The following LRRFIP1 variants were observed in gnomAD, a reference collection of about 807,000 sequenced individuals.
LRRFIP1 encodes the protein LRR binding FLII interacting protein 1.
A neutral mutation model predicts 104.4 loss-of-function variants in LRRFIP1; 62 were observed. The ratio of observed to expected loss-of-function variants is 0.59; its 90% CI spans 0.48 to 0.73. The LOEUF is 0.73. Ranked by LOEUF, LRRFIP1 falls within the 30% of genes least tolerant of loss-of-function variation. LRRFIP1 has a pLI of 0.00. For synonymous variants in LRRFIP1, 300 were observed against 299.0 expected, an observed-to-expected ratio of 1.00 and a Z score of -0.03; for missense variants, 796 against 824.5, an observed-to-expected ratio of 0.97 and a Z score of 0.42.
chr2:237,760,522 T>A (rs974543650), intron 19 of LRRFIP1, among the ~76,000 whole-genome samples: 6 of 152,250 alleles, frequency 3.9e-5, no homozygotes, highest in African/African-American at 1.4e-4. Context: ...GAGTACTATT[T>A]GGTTTTCCTC....
Position 237,739,748 on chromosome 2 carries a change from A to C in LRRFIP1, c.633+439A>C, listed in dbSNP as rs1372991328. Among the ~76,000 whole-genome samples the C allele has an allele frequency of 2.6e-5, 4 of 152,260 alleles. No homozygotes were observed. In the East Asian group the frequency reaches 7.7e-4, roughly 29 times the overall value. ...GAAATGTGCAGATTTGCAGCCCTGC[A>C]TCCTGCTTGTCACTCAGCGTGGCCC... is the stretch of plus-strand genomic sequence containing the variant. On this transcript the variant is annotated intron_variant, in intron 11 of 23. Coordinates refer to ENST00000308482, the MANE Select transcript of LRRFIP1 (RefSeq NM_001137550.2).
chr2:237,689,684 G>C (rs1328792910), intron 1 of LRRFIP1, among the ~76,000 whole-genome samples: 1 of 152,128 alleles, frequency 6.6e-6, no homozygotes, highest in African/African-American at 2.4e-5. Context: ...CCCAGTTCTT[G>C]GTCTGGTGCC....
At chr2:237,740,107 T>C (rs1411958768) in intron 11 of LRRFIP1, among the ~76,000 whole-genome samples, 1 of 152,174 alleles carries the variant, frequency 6.6e-6, no homozygotes, top group South Asian at 2.1e-4. Context: ...TCCACTCATA[T>C]CAAAATTTCC....
intron 1 of LRRFIP1, among the ~76,000 whole-genome samples, chr2:237,631,277 G>A (rs529804650): frequency 2.6e-5 from 4 of 152,328 alleles, no homozygotes; most frequent in Admixed American, 1.3e-4. Context: ...GTTCCAGTTC[G>A]CTGGAGCGAG....
chr2:237,729,823 C>T (rs1051103524), intron 8 of LRRFIP1: 1 of 985,286 alleles, frequency 1.0e-6, no homozygotes, highest in African/African-American at 1.7e-5. Flanking sequence ...ACTTTGTCAT[C>T]ATCCAGGGAG....
intron 19 of LRRFIP1, among the ~76,000 whole-genome samples, chr2:237,760,465 T>A (rs1169078632): frequency 1.3e-5 from 2 of 152,252 alleles, no homozygotes; most frequent in Admixed American, 6.5e-5. Flanking sequence ...CAAGCAAGAC[T>A]GTGAAGGCAA....
chr2:237,727,894 G>C lies in LRRFIP1; in HGVS notation c.403G>C (p.Glu135Gln). The C allele has an allele frequency of 6.2e-7, 1 of 1,612,112 alleles. No homozygotes were observed. Among genetic ancestry groups the C allele is most frequent in the South Asian group, 1.1e-5 (1 of 90,820 alleles). ...GAAACAGACAAATGGTTATGATGGAGAATTGTATGGATCACAGTCCCTGAA... is the reference window on the plus strand; with the variant it reads ...GAAACAGACAAATGGTTATGATGGACAATTGTATGGATCACAGTCCCTGAA... ...PYAWTNGYDG[E>Q]LYGSQSLNRR... The change falls in exon 8 of 24, where the codon GAA (glutamate) becomes CAA (glutamine). Residue 135 changes from glutamate to glutamine, a missense_variant. Transcript: ENST00000308482.
chr2:237,635,087 C>T lies in LRRFIP1; in HGVS notation c.96+7347C>T, dbSNP rs182982849. Among the ~76,000 whole-genome samples, 620 of 152,298 alleles carry T rather than the reference C, an allele frequency of 4.1e-3. 3 individuals carry two copies. Among genetic ancestry groups the T allele is most frequent in the Non-Finnish European group, 5.8e-3 (396 of 68,020 alleles). On this transcript the variant is annotated intron_variant, in intron 1 of 23. Coordinates refer to ENST00000308482, the MANE Select transcript of LRRFIP1 (RefSeq NM_001137550.2). ...TTCTGGATTCCATATTATCTGCCTT[C>T]TTGGATTGCTGTCTTATTTTGCTGG...
intron 11 of LRRFIP1, among the ~76,000 whole-genome samples, chr2:237,744,714 C>T (rs1469655943): frequency 6.6e-6 from 1 of 152,252 alleles, no homozygotes; most frequent in Non-Finnish European, 1.5e-5. Context: ...AACACACATA[C>T]TTTGTAAACC....
rs1228944979 is a variant in LRRFIP1 at position 237,781,246 on chromosome 2, C to T, written c.*1714C>T. 6.6e-6 allele frequency among the ~76,000 whole-genome samples: 1 copy of T among 152,220 alleles called. No individual in the cohort carries two copies. The highest frequency in any genetic ancestry group is 6.5e-5 in the Admixed American group (1 of 15,284). ...CAAACACTCACACATCACGCAGACACGGCCGGCAGCATGCTGACGCTTTTA... is the reference window on the plus strand; with the variant it reads ...CAAACACTCACACATCACGCAGACATGGCCGGCAGCATGCTGACGCTTTTA... On this transcript the variant is annotated 3_prime_UTR_variant, in exon 24 of 24. Transcript: ENST00000308482.
At chr2:237,765,001 C>G in intron 19 of LRRFIP1, 8 of 980,196 alleles carry the variant, frequency 8.2e-6, no homozygotes, top group Non-Finnish European at 8.5e-6. Context: ...GTGGCTCATG[C>G]CTGTAATCTC....
At chr2:237,772,045 G>C (rs759237478) in intron 20 of LRRFIP1, 36 bp from the exon 21 acceptor site, 14 of 1,468,412 alleles carry the variant, frequency 9.5e-6, no homozygotes, top group East Asian at 2.3e-5. Flanking sequence ...ATTCAGAGTA[G>C]AGAAATTAAC....
At position 237,779,586 on chromosome 2, in the gene LRRFIP1, GC is replaced by G; in HGVS notation, c.*55del. ...GTGACTGGAGAGCATTGTTTCATAG[GC>G]TTTTCTCTGTCCTATCTGGGAGCGC... On this transcript the variant is annotated 3_prime_UTR_variant, in exon 24 of 24. Coordinates refer to ENST00000308482, the MANE Select transcript of LRRFIP1 (RefSeq NM_001137550.2). 2 of 1,465,804 alleles carry G rather than the reference GC, an allele frequency of 1.4e-6. No individual in the cohort carries two copies. Among genetic ancestry groups the G allele is most frequent in the South Asian group, 2.3e-5 (2 of 87,202 alleles). 90.8% of individuals were successfully genotyped at this position (1,465,804 alleles called of 1,614,324 possible). A position where few individuals can be genotyped will look rare whatever the true frequency, so the allele number is the denominator to read the frequency against.
At chr2:237,751,335 C>T (rs1435485845) in intron 14 of LRRFIP1, 64 bp downstream of exon 14, 11 of 1,249,524 alleles carry the variant, frequency 8.8e-6, no homozygotes, top group Admixed American at 4.7e-5. Flanking sequence ...AAAAAAACAA[C>T]ATCCTAAAGA....
intron 1 of LRRFIP1, among the ~76,000 whole-genome samples, chr2:237,668,934 T>C (rs2089936086): frequency 6.6e-6 from 1 of 152,248 alleles, no homozygotes. Flanking sequence ...TTTTCTCCAT[T>C]CTTTTATCTG....
At chr2:237,763,029 C>T (rs1300979937) in intron 19 of LRRFIP1, 3 of 1,614,162 alleles carry the variant, frequency 1.9e-6, no homozygotes, top group South Asian at 1.1e-5. Context: ...GGCACAGTGG[C>T]CTCGTGTCCT....
In LRRFIP1 at chr2:237,719,907, C is replaced by T. The variant is rs113718277; in HGVS notation, c.294+340C>T. Reference sequence around the variant, plus strand: ...ACCAATGCTGTGTATTTATATTACCCGTGAGATAAAGAATACTACTTGGAT... The same window carrying T: ...ACCAATGCTGTGTATTTATATTACCTGTGAGATAAAGAATACTACTTGGAT... On this transcript the variant is annotated intron_variant, in intron 5 of 23. Transcript: ENST00000308482. Among the ~76,000 whole-genome samples the T allele has an allele frequency of 2.1e-3, 319 of 149,882 alleles. 4 individuals are homozygous for T. Among genetic ancestry groups the T allele is most frequent in the African/African-American group, 7.0e-3 (284 of 40,684 alleles).
chr2:237,750,588 G>A (rs1253119197), intron 13 of LRRFIP1, among the ~76,000 whole-genome samples: 4 of 151,948 alleles, frequency 2.6e-5, no homozygotes, highest in Admixed American at 6.6e-5. Flanking sequence ...CCACCCACTC[G>A]GCCTCCCAAA....
At chr2:237,778,160 TG>T in intron 23 of LRRFIP1, among the ~76,000 whole-genome samples, 1 of 152,236 alleles carries the variant, frequency 6.6e-6, no homozygotes, top group Non-Finnish European at 1.5e-5. Flanking sequence ...TAGTGTTTTG[TG>T]AGCTTATGCT....
Sources: gnomAD v4.1 joint callset for allele counts (sites outside exome capture counted in the v4.1 genomes callset) on GRCh38, gnomAD v4.1.1 for gene constraint, MANE v1.5 for transcripts, NCBI Gene and HGNC (gene_info 2026-07-23, HGNC 2026-07-21) for gene names.